The following EXOC4 variants were observed in gnomAD, a reference collection of about 807,000 sequenced individuals.
EXOC4 encodes the protein SEC8-like 1.
EXOC4 carries 71 observed loss-of-function variants against 107.2 expected under a neutral mutation model. The ratio of observed to expected loss-of-function variants is 0.66; its 90% CI spans 0.55 to 0.81. EXOC4 has a LOEUF of 0.81. Among genes scored for constraint, EXOC4 ranks in the 30% least tolerant of loss-of-function variants. The pLI is 0.00. For missense variants in EXOC4, 1,108 were observed against 1,189.6 expected (o/e 0.93, Z 1.01); for synonymous variants, 456 against 441.2 (o/e 1.03, Z -0.42).
chr7:133,353,356 A>G (rs1795953012), intron 5 of EXOC4, among the ~76,000 whole-genome samples: 1 of 152,130 alleles, frequency 6.6e-6, no homozygotes, highest in South Asian at 2.1e-4. Flanking sequence ...TTTACTTGGC[A>G]ATGTCTTAAT....
intron 12 of EXOC4, among the ~76,000 whole-genome samples, chr7:133,907,288 C>T (rs751963722): frequency 2.0e-5 from 3 of 152,000 alleles, no homozygotes; most frequent in Non-Finnish European, 4.4e-5. Context: ...TTATGTGTAA[C>T]TTTATGCTGG....
chr7:133,691,286 GA>G (rs1413864583), intron 10 of EXOC4, among the ~76,000 whole-genome samples: 1 of 152,174 alleles, frequency 6.6e-6, no homozygotes, highest in Non-Finnish European at 1.5e-5. Context: ...AATATGTCTT[GA>G]GCTTTCCAGC....
chr7:133,813,460 T>C (rs1446150704), intron 10 of EXOC4, among the ~76,000 whole-genome samples: 8 of 152,204 alleles, frequency 5.3e-5, no homozygotes, highest in African/African-American at 1.9e-4. Context: ...AGAGTTTCGG[T>C]GTATTTACTC....
intron 14 of EXOC4, among the ~76,000 whole-genome samples, chr7:133,957,052 C>T (rs927162996): frequency 6.6e-6 from 1 of 151,740 alleles, no homozygotes; most frequent in Non-Finnish European, 1.5e-5. Flanking sequence ...TGCATCTTTT[C>T]AGTGTTCCTC....
At chr7:133,947,730 G>T (rs2116775288) in intron 14 of EXOC4, among the ~76,000 whole-genome samples, 1 of 152,258 alleles carries the variant, frequency 6.6e-6, no homozygotes, top group East Asian at 1.9e-4. Flanking sequence ...TAATTATGGA[G>T]TTCTAAGTAC....
Position 133,825,206 on chromosome 7 carries a change from G to GA in EXOC4, c.1734+7669dup, listed in dbSNP as rs1216743134. On this transcript the variant is annotated intron_variant, in intron 11 of 17. Transcript: ENST00000253861. ...CTCTAAAAAAAAAAAAAGAAAGAAA[G>GA]AAAAAAAGCCAGGTTTCATGATGTA... Among the ~76,000 whole-genome samples, 8 of 150,960 alleles carry GA rather than the reference G, an allele frequency of 5.3e-5. No homozygotes were observed. In the South Asian group the frequency reaches 1.7e-3, roughly 32 times the overall value.
intron 11 of EXOC4, 23 bp from the exon 12 acceptor site, chr7:133,895,576 C>T: frequency 1.2e-6 from 2 of 1,610,870 alleles, no homozygotes; most frequent in Non-Finnish European, 8.5e-7. Context: ...ATCTCATATC[C>T]TCTCTTTGTT....
At chr7:133,949,127 A>AC in intron 14 of EXOC4, among the ~76,000 whole-genome samples, 1 of 152,096 alleles carries the variant, frequency 6.6e-6, no homozygotes. Flanking sequence ...TGCACCTCTT[A>AC]CCCCCAAAGG....
intron 9 of EXOC4, among the ~76,000 whole-genome samples, chr7:133,552,080 G>A (rs1800600707): frequency 6.6e-6 from 1 of 152,086 alleles, no homozygotes; most frequent in Admixed American, 6.6e-5. Flanking sequence ...ATTGTGAATG[G>A]CACTTGGCAT....
chr7:133,414,489 C>T (rs1410668668), intron 7 of EXOC4, among the ~76,000 whole-genome samples: 1 of 152,114 alleles, frequency 6.6e-6, no homozygotes, highest in African/African-American at 2.4e-5. Context: ...AATTGTCACA[C>T]ATAGAAATAA....
intron 7 of EXOC4, among the ~76,000 whole-genome samples, chr7:133,423,567 CTTA>C: frequency 6.6e-6 from 1 of 152,112 alleles, no homozygotes; most frequent in East Asian, 1.9e-4. Flanking sequence ...ATGTGATTAG[CTTA>C]TTATTATTAT....
At chr7:133,366,247 C>T (rs951842426) in intron 6 of EXOC4, among the ~76,000 whole-genome samples, 3 of 152,122 alleles carry the variant, frequency 2.0e-5, no homozygotes, top group African/African-American at 7.2e-5. Context: ...GTGACTGTTC[C>T]TTAATATGTG....
chr7:133,569,045 A>G (rs1307223812), intron 9 of EXOC4, among the ~76,000 whole-genome samples: 1 of 152,166 alleles, frequency 6.6e-6, no homozygotes, highest in Non-Finnish European at 1.5e-5. Flanking sequence ...CTAATTTGAG[A>G]GAGTCAGTTT....
chr7:133,447,070 T>G (rs866768903), intron 7 of EXOC4, among the ~76,000 whole-genome samples: 13 of 152,226 alleles, frequency 8.5e-5, no homozygotes, highest in Admixed American at 6.5e-5. Context: ...AGGGGATAGA[T>G]TTCAGTTTGC....
At chr7:133,348,344 G>A (rs1795832726) in intron 5 of EXOC4, among the ~76,000 whole-genome samples, 1 of 152,198 alleles carries the variant, frequency 6.6e-6, no homozygotes, top group African/African-American at 2.4e-5. Context: ...GTTTGGGGCT[G>A]TGTCATTTTA....
intron 9 of EXOC4, among the ~76,000 whole-genome samples, chr7:133,617,150 G>T (rs1802212538): frequency 2.0e-5 from 3 of 152,136 alleles, no homozygotes; most frequent in Non-Finnish European, 4.4e-5. Flanking sequence ...TAACATTTAA[G>T]GCAAAAGCTG....
At chr7:133,784,676 A>C (rs1796533472) in intron 10 of EXOC4, among the ~76,000 whole-genome samples, 1 of 152,156 alleles carries the variant, frequency 6.6e-6, no homozygotes, top group Admixed American at 6.5e-5. Flanking sequence ...AAAGAGAGAA[A>C]AGTGTTACTT....
intron 10 of EXOC4, among the ~76,000 whole-genome samples, chr7:133,762,350 A>G (rs1366260099): frequency 3.9e-5 from 6 of 152,216 alleles, no homozygotes; most frequent in Non-Finnish European, 7.3e-5. Context: ...CAAAAATGTC[A>G]TAAATGGCTG....
At chr7:134,087,190 G>A in the EXOC4 span, among the ~76,000 whole-genome samples, 2 of 152,164 alleles carry the variant, frequency 1.3e-5, no homozygotes, top group Middle Eastern at 3.2e-3. Flanking sequence ...AAATGCCTCT[G>A]ACATTTCCCC....
Sources: allele counts gnomAD v4.1 joint callset (sites outside exome capture counted in the v4.1 genomes callset), GRCh38; gene constraint gnomAD v4.1.1; transcripts MANE v1.5; gene names NCBI Gene and HGNC (gene_info 2026-07-23, HGNC 2026-07-21).